The following COA1 variants were observed in gnomAD, a reference collection of about 807,000 sequenced individuals.
COA1 encodes cytochrome c oxidase assembly factor 1 homolog.
A neutral mutation model predicts 16.0 loss-of-function variants in COA1; 13 were observed. The observed-to-expected ratio is 0.81, with a 90% CI of 0.53 to 1.29. COA1 has a LOEUF of 1.29. Ranked by LOEUF, COA1 falls within the 50% of genes most tolerant of loss-of-function variation. COA1 has a pLI of 0.00. For missense variants in COA1, 179 were observed against 177.0 expected (o/e 1.01, Z -0.06); for synonymous variants, 65 against 65.7 (o/e 0.99, Z 0.05).
chr7:43,667,877 A>T (rs1444523879), intron 1 of COA1, among the ~76,000 whole-genome samples: 1 of 152,240 alleles, frequency 6.6e-6, no homozygotes, highest in Non-Finnish European at 1.5e-5. Flanking sequence ...GCCTTTAATA[A>T]TTGAATAAGG....
rs141990456 is a variant in COA1, at chr7:43,664,103, AAG to A, written c.-38-15453_-38-15452del. Among the ~76,000 whole-genome samples the A allele has an allele frequency of 1.9e-3, 256 of 135,130 alleles. 1 individual carries two copies. The South Asian group carries it at 0.019, about 10-fold the overall frequency. The allele number at this position is 135,130 out of a possible 152,430, so 88.7% of individuals were successfully genotyped here. ...GAATCATTTAGTATTTGTCTTTAGA[AAG>A]AGAGAGAGAGAGAGAGAGAGAGAGA... is the stretch of plus-strand genomic sequence containing the variant. On this transcript the variant is annotated intron_variant, in intron 1 of 5. Coordinates refer to ENST00000223336, the MANE Select transcript of COA1 (RefSeq NM_018224.4).
At chr7:43,638,426 TTATAA>T (rs111809577), downstream of COA1, among the ~76,000 whole-genome samples, 2 of 152,280 alleles carry the variant, frequency 1.3e-5, no homozygotes, top group African/African-American at 4.8e-5. Context: ...TTCTTTTGCT[TTATAA>T]TATGTTTCCT....
In COA1 at chr7:43,706,653, G is replaced by A. The variant is rs577588980; in HGVS notation, c.-39+22776C>T. On this transcript the variant is annotated intron_variant, in intron 1 of 5. Transcript: ENST00000223336. The stretch of plus-strand genomic sequence containing the variant: ...GGAGGGCAAGGTCAGCAGGTCACTT[G>A]AGCCCAGGAGTTTAAAATCAGCCTG... Among the ~76,000 whole-genome samples the A allele has an allele frequency of 9.7e-4, 147 of 152,306 alleles. 2 individuals carry two copies. The highest frequency in any genetic ancestry group is 6.8e-3 in the Middle Eastern group (2 of 294).
chr7:43,623,921 C>T (rs773039439), intron 6 of COA1: 14 of 1,321,486 alleles, frequency 1.1e-5, no homozygotes, highest in Non-Finnish European at 1.3e-5. Context: ...TAATATTGAA[C>T]TAATTCAATA....
intron 1 of COA1, among the ~76,000 whole-genome samples, chr7:43,683,864 T>C (rs2093888528): frequency 6.6e-6 from 1 of 152,154 alleles, no homozygotes; most frequent in Admixed American, 6.5e-5. Context: ...AAAATGCAAC[T>C]TGAAAAAACA....
At chr7:43,697,322 C>T (rs2094562337) in intron 1 of COA1, among the ~76,000 whole-genome samples, 1 of 151,964 alleles carries the variant, frequency 6.6e-6, no homozygotes, top group Non-Finnish European at 1.5e-5. Context: ...GACAGAATCT[C>T]ACTGTGTGGC....
At chr7:43,642,364 C>T (rs1475950367) in intron 4 of COA1, among the ~76,000 whole-genome samples, 1 of 152,116 alleles carries the variant, frequency 6.6e-6, no homozygotes, top group Non-Finnish European at 1.5e-5. Flanking sequence ...GCAGGAGAAT[C>T]GCTTGAACCT....
In COA1 at chr7:43,658,496, T is replaced by C. The variant is rs1055702815; in HGVS notation, c.-38-9844A>G. 1.1e-4 allele frequency among the ~76,000 whole-genome samples: 16 copies of C among 152,332 alleles called. No homozygotes were observed. In the South Asian group the frequency reaches 1.4e-3, roughly 14 times the overall value. ...ATATGCTAATATTCATAATGAATTA[T>C]AAAACCCAAATAATGAATGAAATCG... On this transcript the variant is annotated intron_variant, in intron 1 of 5. Transcript: ENST00000223336.
intron 6 of COA1, among the ~76,000 whole-genome samples, chr7:43,633,721 T>C (rs1409300019): frequency 6.6e-6 from 1 of 152,160 alleles, no homozygotes; most frequent in Non-Finnish European, 1.5e-5. Flanking sequence ...CTGCAAAGTG[T>C]AATAAAGTAA....
chr7:43,652,718 T>TA (rs34351425), intron 1 of COA1, among the ~76,000 whole-genome samples: 22,166 of 152,016 alleles, frequency 0.15, 2,190 homozygotes, highest in Non-Finnish European at 0.22. Context: ...GGGAACAAGG[T>TA]AAAAAAAGGA....
At chr7:43,685,505 G>C (rs1447231589) in intron 1 of COA1, among the ~76,000 whole-genome samples, 1 of 152,196 alleles carries the variant, frequency 6.6e-6, no homozygotes, top group Non-Finnish European at 1.5e-5. Flanking sequence ...GTTTGCGGTG[G>C]GGTGGGTAGG....
rs949511666 is a variant in COA1 at position 43,624,969 on chromosome 7, C to T, written c.*133+14480G>A. The stretch of plus-strand genomic sequence containing the variant: ...GTATCACTTACACAAACAAAAATAA[C>T]TTTGTCAAATTTGTGGAGTTAGGTG... On this transcript the variant is annotated intron_variant and NMD_transcript_variant, in intron 6 of 6. Coordinates refer to the COA1 transcript ENST00000415076. 1.3e-5 allele frequency: 12 copies of T among 915,790 alleles called. No individual in the cohort carries two copies. In the Admixed American group the frequency reaches 1.4e-4, roughly 10 times the overall value. The allele number at this position is 915,790 out of a possible 1,614,324, so 56.7% of individuals were successfully genotyped here.
intron 1 of COA1, among the ~76,000 whole-genome samples, chr7:43,683,028 T>C (rs1322444127): frequency 6.6e-6 from 1 of 151,944 alleles, no homozygotes; most frequent in African/African-American, 2.4e-5. Flanking sequence ...TTTGTAGAGA[T>C]GGGGTTTTTA....
intron 6 of COA1, among the ~76,000 whole-genome samples, chr7:43,629,800 G>A (rs1023108589): frequency 1.3e-5 from 2 of 152,166 alleles, no homozygotes; most frequent in African/African-American, 4.8e-5. Context: ...GCTGGTTATG[G>A]GCAGAACAAA....
At chr7:43,643,156 C>T (rs956657219) in intron 4 of COA1, among the ~76,000 whole-genome samples, 2 of 152,198 alleles carry the variant, frequency 1.3e-5, no homozygotes, top group Non-Finnish European at 2.9e-5. Context: ...CCCAGGAAGG[C>T]GCCCTCTCAG....
At chr7:43,620,989 G>A (rs76037972) in intron 6 of COA1, among the ~76,000 whole-genome samples, 146 of 152,324 alleles carry the variant, frequency 9.6e-4, no homozygotes, top group Middle Eastern at 3.4e-3. Context: ...GAAGAGAGCA[G>A]GGTCTCCTTT....
chr7:43,614,269 A>T (rs2152989618), intron 6 of COA1, among the ~76,000 whole-genome samples: 1 of 152,288 alleles, frequency 6.6e-6, no homozygotes, highest in South Asian at 2.1e-4. Flanking sequence ...CTATTTACGG[A>T]CCGTCTGCAG....
chr7:43,684,879 A>G (rs1264226627), intron 1 of COA1, among the ~76,000 whole-genome samples: 2 of 152,144 alleles, frequency 1.3e-5, no homozygotes, highest in Non-Finnish European at 2.9e-5. Context: ...TGAGCTCTGA[A>G]GAAACTTTAG....
chr7:43,619,216 T>G (rs573049751), intron 6 of COA1, among the ~76,000 whole-genome samples: 3 of 152,310 alleles, frequency 2.0e-5, no homozygotes, highest in African/African-American at 7.2e-5. Context: ...CAGAAGAGAT[T>G]TAGTTGCACT....
Sources: allele counts gnomAD v4.1 joint callset (sites outside exome capture counted in the v4.1 genomes callset), GRCh38; gene constraint gnomAD v4.1.1; transcripts MANE v1.5; gene names NCBI Gene and HGNC (gene_info 2026-07-23, HGNC 2026-07-21).